The following CAPN5 variants were observed in gnomAD, a reference collection of about 807,000 sequenced individuals.
CAPN5 encodes calpain-5.
A neutral mutation model predicts 73.0 loss-of-function variants in CAPN5; 54 were observed. The observed-to-expected ratio is 0.74, with a 90% CI of 0.59 to 0.93. The LOEUF is 0.93. Ranked by LOEUF, CAPN5 falls within the 40% of genes least tolerant of loss-of-function variation. The pLI is 0.00. For missense variants in CAPN5, 785 were observed against 882.9 expected, an observed-to-expected ratio of 0.89 and a Z score of 1.41; for synonymous variants, 335 against 356.9, an observed-to-expected ratio of 0.94 and a Z score of 0.69.
At chr11:77,067,306 T>TCCCCAC (rs1365012555) in intron 1 of CAPN5, among the ~76,000 whole-genome samples, 2 of 149,502 alleles carry the variant, frequency 1.3e-5, no homozygotes, top group African/African-American at 4.9e-5. Flanking sequence ...CCTCGGCTCG[T>TCCCCAC]CCCCACCCCC....
At chr11:77,073,798 G>A (rs1949937119) in intron 1 of CAPN5, among the ~76,000 whole-genome samples, 3 of 152,242 alleles carry the variant, frequency 2.0e-5, no homozygotes, top group Admixed American at 2.0e-4. Flanking sequence ...CAGCCCTGGT[G>A]CCAGCTCGCC....
Position 77,085,022 on chromosome 11 carries a change from G to A in CAPN5, c.136G>A (p.Gly46Arg). 5 of 1,613,568 alleles carry A rather than the reference G, an allele frequency of 3.1e-6. No homozygotes were observed. The highest frequency in any genetic ancestry group is 4.2e-6 in the Non-Finnish European group (5 of 1,180,040). ...DDSLYYKGTPGPAVRWKRPKG... is the reference protein window; with the variant it reads ...DDSLYYKGTPRPAVRWKRPKG... ...CTCACTCTACTATAAGGGCACGCCG[G>A]GGCCCGCCGTCAGGTGGAAGCGACC... Residue 46 changes from glycine (G) to arginine (R), a missense_variant, in exon 2 of 13, where the codon GGG (glycine) becomes AGG (arginine). Gly to Arg is a moderately radical substitution (Grantham distance 125). Coordinates refer to ENST00000648180, the MANE Select transcript of CAPN5 (RefSeq NM_004055.5).
At chr11:77,093,227 G>A (rs1161941044) in intron 2 of CAPN5, among the ~76,000 whole-genome samples, 2 of 152,206 alleles carry the variant, frequency 1.3e-5, no homozygotes, top group African/African-American at 2.4e-5. Context: ...GGATATGGGT[G>A]TTTGTCCCAT....
intron 3 of CAPN5, among the ~76,000 whole-genome samples, chr11:77,105,464 T>A (rs1383249221): frequency 3.3e-5 from 5 of 152,186 alleles, no homozygotes; most frequent in Admixed American, 2.6e-4. Context: ...AGGTGCCATC[T>A]GGGCGCCGCC....
At position 77,093,656 on chromosome 11, in the gene CAPN5, A is replaced by C. The variant is rs1950177319; in HGVS notation, c.166-26A>C. ...GCATCCGCATGCTCCTCCGCCCCTC[A>C]CGCTCTCTCCTCGCCTTCTCCGCAG... is the stretch of plus-strand genomic sequence containing the variant. On this transcript the variant is annotated intron_variant, in intron 2 of 12. Transcript: ENST00000648180. 4.5e-6 allele frequency: 7 copies of C among 1,550,586 alleles called. No individual in the cohort carries two copies. The Admixed American group carries it at 9.5e-5, about 21-fold the overall frequency.
At chr11:77,072,954 G>T in intron 1 of CAPN5, 1 of 496,288 alleles carries the variant, frequency 2.0e-6, no homozygotes, top group South Asian at 1.8e-5. Flanking sequence ...TGAGGCAGAG[G>T]TGGCTTCAGT....
intron 1 of CAPN5, among the ~76,000 whole-genome samples, chr11:77,070,822 C>T (rs1196863275): frequency 6.6e-6 from 1 of 152,152 alleles, no homozygotes; most frequent in African/African-American, 2.4e-5. Context: ...CCTCCGGTGG[C>T]TGCTGGCATT....
Position 77,115,582 on chromosome 11 carries a change from G to A in CAPN5, c.887G>A (p.Ser296Asn). ...WGEREWNGPW[S>N]DTSEEWQKVS... is the part of the protein sequence containing the mutation. Reference sequence around the variant, plus strand: ...GAGCGGGAGTGGAACGGGCCCTGGAGTGACACGTGAGGCCTGGGGATGGGG... The same window carrying A: ...GAGCGGGAGTGGAACGGGCCCTGGAATGACACGTGAGGCCTGGGGATGGGG... Residue 296 changes from serine to asparagine, a missense_variant, in exon 6 of 13, where the codon AGT becomes AAT. By Grantham distance (46) the Ser-to-Asn change is conservative (BLOSUM62 1). Transcript: ENST00000648180. 1 of 1,608,412 alleles carries A rather than the reference G, an allele frequency of 6.2e-7. No homozygotes were observed. The highest frequency in any genetic ancestry group is 1.1e-5 in the South Asian group (1 of 90,812).
intron 1 of CAPN5, chr11:77,071,721 G>A (rs562223689): frequency 2.3e-6 from 1 of 431,502 alleles, no homozygotes; most frequent in Non-Finnish European, 4.8e-6. Context: ...ACATCTTGGG[G>A]CTCTGGTTCA....
chr11:77,093,965 G>A lies in CAPN5; in HGVS notation c.297+152G>A, dbSNP rs535426444. Reference sequence around the variant, plus strand: ...TGGGGGCCCCCAGTACTGGCCGAGCGTCGGAATTGCCATCCCTCACCCTTC... The same window carrying A: ...TGGGGGCCCCCAGTACTGGCCGAGCATCGGAATTGCCATCCCTCACCCTTC... On this transcript the variant is annotated intron_variant, in intron 3 of 12. Transcript: ENST00000648180. The A allele has an allele frequency of 1.1e-4, 126 of 1,101,188 alleles. No individual in the cohort carries two copies. The East Asian group carries it at 1.7e-3, about 15-fold the overall frequency. The allele number at this position is 1,101,188 out of a possible 1,614,324, so 68.2% of individuals were successfully genotyped here. A position where few individuals can be genotyped will look rare whatever the true frequency, so the allele number is the denominator to read the frequency against.
intron 2 of CAPN5, chr11:77,087,903 C>T (rs1555035801): frequency 6.5e-7 from 1 of 1,535,732 alleles, no homozygotes; most frequent in Non-Finnish European, 8.7e-7. Context: ...CAGCCCACAC[C>T]CTTCACCCAC....
At chr11:77,092,986 G>A (rs1468151592) in intron 2 of CAPN5, among the ~76,000 whole-genome samples, 2 of 152,100 alleles carry the variant, frequency 1.3e-5, no homozygotes, top group East Asian at 3.8e-4. Context: ...AAGAAAAAAA[G>A]AAAGAAAAAA....
chr11:77,118,351 AGGTGGG>A lies in CAPN5; in HGVS notation c.1167_1167+5del. 1 of 1,572,706 alleles carries A rather than the reference AGGTGGG, an allele frequency of 6.4e-7. No homozygotes were observed. Among genetic ancestry groups the A allele is most frequent in the Non-Finnish European group, 8.6e-7 (1 of 1,157,892 alleles). ...AAGGACACCTTCTTCCAGAACCCAC[AGGTGGG>A]CGTTCTCAGGAACCCCCACCCTGCC... On this transcript the variant is annotated splice_donor_variant and splice_donor_5th_base_variant and coding_sequence_variant and intron_variant, in exon 8 of 13. Transcript: ENST00000648180. LOFTEE classifies it high-confidence loss of function.
intron 1 of CAPN5, among the ~76,000 whole-genome samples, chr11:77,076,437 A>G (rs1470269561): frequency 6.6e-6 from 1 of 152,208 alleles, no homozygotes; most frequent in African/African-American, 2.4e-5. Flanking sequence ...CAATCTCTTG[A>G]ACTTATAGAT....
chr11:77,119,220 C>T, intron 9 of CAPN5, 68 bp downstream of exon 9: 1 of 1,529,808 alleles, frequency 6.5e-7, no homozygotes, highest in South Asian at 1.2e-5. Context: ...ACTGCCCATG[C>T]CTGAGGAAGA....
chr11:77,120,491 G>C (rs1555042553), intron 9 of CAPN5: 1 of 459,132 alleles, frequency 2.2e-6, no homozygotes, highest in Non-Finnish European at 3.8e-6. Flanking sequence ...CTCCCCAAAA[G>C]AAACCCACTC....
At position 77,070,781 on chromosome 11, in the gene CAPN5, T is replaced by C. The variant is rs114098676; in HGVS notation, c.-36+3687T>C. On this transcript the variant is annotated intron_variant, in intron 1 of 12. Transcript: ENST00000648180. The stretch of plus-strand genomic sequence containing the variant: ...CCAGGCTGGCTTCTTCTGTGGGATC[T>C]AGGGGAGAGTCCATTCCCTGTCTCT... Among the ~76,000 whole-genome samples, 1,302 of 152,294 alleles carry C rather than the reference T, an allele frequency of 8.5e-3. 17 individuals carry two copies. Among genetic ancestry groups the C allele is most frequent in the African/African-American group, 0.03 (1,230 of 41,544 alleles).
intron 3 of CAPN5, among the ~76,000 whole-genome samples, chr11:77,094,813 T>C (rs986816127): frequency 1.3e-5 from 2 of 152,252 alleles, no homozygotes; most frequent in African/African-American, 4.8e-5. Context: ...TGCGGCATCG[T>C]GCTTGGCCAA....
At chr11:77,115,031 C>G (rs1375195664) in intron 5 of CAPN5, among the ~76,000 whole-genome samples, 2 of 152,012 alleles carry the variant, frequency 1.3e-5, no homozygotes, top group Non-Finnish European at 2.9e-5. Flanking sequence ...CCATTGCACT[C>G]CAGCCTGGGC....
Sources: gnomAD v4.1 joint callset for allele counts (sites outside exome capture counted in the v4.1 genomes callset) on GRCh38, gnomAD v4.1.1 for gene constraint, MANE v1.5 for transcripts, NCBI Gene and HGNC (gene_info 2026-07-23, HGNC 2026-07-21) for gene names.